Variants in TIAM2 observed in about 807,000 individuals in gnomAD.
TIAM2 encodes TIAM Rac1 associated GEF 2.
A neutral mutation model predicts 152.9 loss-of-function variants in TIAM2; 80 were observed. The ratio of observed to expected loss-of-function variants is 0.52; its 90% CI spans 0.44 to 0.63. The LOEUF is 0.63. TIAM2 is among the 30% of genes least tolerant of loss of function. The probability of loss-of-function intolerance (pLI) is 0.00; values close to 1 mark genes in which losing one functional copy is unlikely to be tolerated. For missense variants in TIAM2, 1,965 were observed against 2,120.1 expected (o/e 0.93, Z 1.44); for synonymous variants, 804 against 838.0 (o/e 0.96, Z 0.70).
At chr6:155,241,276 G>A (rs1485103613) in intron 16 of TIAM2, among the ~76,000 whole-genome samples, 2 of 152,210 alleles carry the variant, frequency 1.3e-5, no homozygotes, top group Non-Finnish European at 2.9e-5. Flanking sequence ...CCCAGTCAGT[G>A]GTTTGAGAAA....
Position 155,018,271 on chromosome 6 carries a change from A to T in TIAM2, c.-209+22779A>T, listed in dbSNP as rs546099701. Reference sequence around the variant, plus strand: ...AAGGTGTATATATGTGTGTGCAGATAGATATATATATGTATGTATATATAA... The same window carrying T: ...AAGGTGTATATATGTGTGTGCAGATTGATATATATATGTATGTATATATAA... On this transcript the variant is annotated intron_variant, in intron 1 of 26. Coordinates refer to ENST00000682666, the MANE Select transcript of TIAM2 (RefSeq NM_012454.4). Among the ~76,000 whole-genome samples, 5 of 148,692 alleles carry T rather than the reference A, an allele frequency of 3.4e-5. No individual in the cohort carries two copies. The South Asian group carries it at 1.1e-3, about 32-fold the overall frequency.
At chr6:155,201,956 A>G (rs1471243147) in intron 14 of TIAM2, among the ~76,000 whole-genome samples, 1 of 152,232 alleles carries the variant, frequency 6.6e-6, no homozygotes, top group Non-Finnish European at 1.5e-5. Flanking sequence ...TTTGTGCTAT[A>G]ATAGAATTTA....
Position 155,257,443 on chromosome 6 carries a change from A to T in TIAM2, c.*322A>T. 1 of 341,714 alleles carries T rather than the reference A, an allele frequency of 2.9e-6. No homozygotes were observed. Among genetic ancestry groups the T allele is most frequent in the Non-Finnish European group, 5.3e-6 (1 of 188,550 alleles). The allele number at this position is 341,714 out of a possible 1,614,324, so 21.2% of individuals were successfully genotyped here. A position where few individuals can be genotyped will look rare whatever the true frequency, so the allele number is the denominator to read the frequency against. On this transcript the variant is annotated 3_prime_UTR_variant, in exon 27 of 27. Transcript: ENST00000682666. ...TAAGGCTGGGGAAGTCGTGATTAATAGTTTTCAAAGGGCCATTTTTTAAAA... is the reference window on the plus strand; with the variant it reads ...TAAGGCTGGGGAAGTCGTGATTAATTGTTTTCAAAGGGCCATTTTTTAAAA...
chr6:155,106,250 C>A (rs1042834769), intron 2 of TIAM2, among the ~76,000 whole-genome samples: 1 of 151,958 alleles, frequency 6.6e-6, no homozygotes, highest in African/African-American at 2.4e-5. Context: ...GGTGATCTAC[C>A]CTCCTCGGCC....
intron 7 of TIAM2, among the ~76,000 whole-genome samples, chr6:155,152,716 G>A (rs1780005252): frequency 1.3e-5 from 2 of 152,242 alleles, no homozygotes; most frequent in African/African-American, 4.8e-5. Flanking sequence ...CCAGCTTGGA[G>A]TTTTCAGGTC....
intron 13 of TIAM2, among the ~76,000 whole-genome samples, chr6:155,182,663 G>C (rs1583234927): frequency 6.6e-6 from 1 of 152,140 alleles, no homozygotes; most frequent in South Asian, 2.1e-4. Flanking sequence ...GAGCATGTGT[G>C]TGTGTGTGTT....
intron 2 of TIAM2, among the ~76,000 whole-genome samples, chr6:155,121,337 TG>T (rs1422477669): frequency 2.0e-5 from 3 of 152,196 alleles, no homozygotes; most frequent in African/African-American, 4.8e-5. Context: ...AATAGTACTC[TG>T]TTGCATTTCC....
chr6:155,219,288 C>G (rs985877596), intron 15 of TIAM2, among the ~76,000 whole-genome samples: 3 of 152,058 alleles, frequency 2.0e-5, no homozygotes, highest in African/African-American at 7.2e-5. Flanking sequence ...CTTCAAGTGA[C>G]CAAATAAAAA....
At chr6:155,061,397 C>T (rs1176633833) in intron 1 of TIAM2, among the ~76,000 whole-genome samples, 1 of 147,754 alleles carries the variant, frequency 6.8e-6, no homozygotes, top group Non-Finnish European at 1.5e-5. Context: ...TATATTAAAA[C>T]CAATATGAGC....
intron 5 of TIAM2, among the ~76,000 whole-genome samples, chr6:155,143,307 A>G (rs1779753490): frequency 6.6e-6 from 1 of 152,244 alleles, no homozygotes; most frequent in African/African-American, 2.4e-5. Context: ...GCAATTTCTA[A>G]TTAATGAAGC....
Position 155,164,420 on chromosome 6 carries a change from G to C in TIAM2, c.2034G>C (p.Gln678His), listed in dbSNP as rs1032141. The C allele has an allele frequency of 6.3e-7, 1 of 1,575,456 alleles. No homozygotes were observed. Among genetic ancestry groups the C allele is most frequent in the African/African-American group, 1.3e-5 (1 of 74,156 alleles). ...KNRKAIENQI[Q>H]QWEQNLEKFH... is the part of the protein sequence containing the mutation. Reference sequence around the variant, plus strand: ...ACCTCTGTTTTTGCTTTAAGATCCAGCAATGGGAGCAGAATCTTGAGAAAT... The same window carrying C: ...ACCTCTGTTTTTGCTTTAAGATCCACCAATGGGAGCAGAATCTTGAGAAAT... The change falls in exon 8 of 27, where the codon CAG becomes CAC. Residue 678 changes from glutamine to histidine, a missense_variant. Transcript: ENST00000682666.
At chr6:155,191,591 A>G (rs568940903) in intron 14 of TIAM2, among the ~76,000 whole-genome samples, 1 of 152,318 alleles carries the variant, frequency 6.6e-6, no homozygotes, top group Non-Finnish European at 1.5e-5. Flanking sequence ...CAGCAGTTCA[A>G]GACCAGCCTG....
At chr6:155,034,364 C>G (rs1776882879) in intron 1 of TIAM2, among the ~76,000 whole-genome samples, 1 of 152,188 alleles carries the variant, frequency 6.6e-6, no homozygotes, top group South Asian at 2.1e-4. Context: ...AATTCTCCTG[C>G]CTCAGCCTCC....
intron 14 of TIAM2, among the ~76,000 whole-genome samples, chr6:155,195,135 T>G (rs983828337): frequency 6.6e-6 from 1 of 152,196 alleles, no homozygotes; most frequent in African/African-American, 2.4e-5. Context: ...ACATTAACTT[T>G]ATTTTTCAAC....
chr6:155,222,471 C>T (rs1782080128), intron 15 of TIAM2, among the ~76,000 whole-genome samples: 1 of 151,976 alleles, frequency 6.6e-6, no homozygotes, highest in Non-Finnish European at 1.5e-5. Flanking sequence ...CATTGTGGCT[C>T]GTTCCTGTAA....
intron 1 of TIAM2, among the ~76,000 whole-genome samples, chr6:155,006,317 A>G (rs760727500): frequency 6.6e-6 from 1 of 152,120 alleles, no homozygotes; most frequent in East Asian, 1.9e-4. Flanking sequence ...AGCAGAGGAC[A>G]TAAGTCCTGT....
At chr6:155,069,673 A>G (rs1777790517) in intron 1 of TIAM2, among the ~76,000 whole-genome samples, 2 of 152,234 alleles carry the variant, frequency 1.3e-5, no homozygotes, top group African/African-American at 4.8e-5. Flanking sequence ...CTAACATTAC[A>G]CTAGTATTTT....
chr6:155,091,927 G>A (rs902877412), intron 2 of TIAM2, among the ~76,000 whole-genome samples: 8 of 152,210 alleles, frequency 5.3e-5, no homozygotes, highest in South Asian at 4.2e-4. Flanking sequence ...AGACAGCGAC[G>A]CGCTCTGTTG....
At chr6:155,168,349 A>AATTTATTTATTT (rs34392123) in intron 9 of TIAM2, among the ~76,000 whole-genome samples, 6 of 151,896 alleles carry the variant, frequency 4.0e-5, no homozygotes, top group African/African-American at 7.2e-5. Context: ...ATCAAGAATG[A>AATTTATTTATTT]ATTTATTTAT....
Sources: gnomAD v4.1 joint callset for allele counts (sites outside exome capture counted in the v4.1 genomes callset) on GRCh38, gnomAD v4.1.1 for gene constraint, MANE v1.5 for transcripts, NCBI Gene and HGNC (gene_info 2026-07-23, HGNC 2026-07-21) for gene names.